The following COL15A1 variants were observed in gnomAD, a reference collection of about 807,000 sequenced individuals.
COL15A1 encodes collagen type XV alpha 1 chain.
In COL15A1, 111 loss-of-function variants were observed where a neutral mutation model predicts 165.9. The observed-to-expected ratio is 0.67, with a 90% CI of 0.57 to 0.78. COL15A1 has a LOEUF of 0.78. COL15A1 is among the 30% of genes least tolerant of loss of function. The probability of loss-of-function intolerance (pLI) is 0.00; values close to 1 mark genes in which losing one functional copy is unlikely to be tolerated. For missense variants in COL15A1, 1,745 were observed against 1,789.7 expected (o/e 0.98, Z 0.45); for synonymous variants, 659 against 674.8 (o/e 0.98, Z 0.36).
At chr9:98,986,324 C>T (rs1838312602) in intron 3 of COL15A1, 3 of 546,452 alleles carry the variant, frequency 5.5e-6, no homozygotes, top group Non-Finnish European at 9.7e-6. Context: ...AGACAGTTAT[C>T]CAGATTCTCT....
chr9:98,957,536 C>T (rs1391414120), intron 2 of COL15A1, among the ~76,000 whole-genome samples: 3 of 152,188 alleles, frequency 2.0e-5, no homozygotes, highest in African/African-American at 7.2e-5. Context: ...TCTGAAGTTC[C>T]ACCAAGTGCT....
At chr9:98,980,196 A>G (rs1233300082) in intron 2 of COL15A1, among the ~76,000 whole-genome samples, 2 of 151,704 alleles carry the variant, frequency 1.3e-5, no homozygotes, top group Non-Finnish European at 2.9e-5. Flanking sequence ...GAATATGTAC[A>G]CATTCATTCA....
At chr9:98,974,154 T>C (rs1838104903) in intron 2 of COL15A1, among the ~76,000 whole-genome samples, 1 of 152,112 alleles carries the variant, frequency 6.6e-6, no homozygotes, top group South Asian at 2.1e-4. Flanking sequence ...GTTGCCTCAG[T>C]TCAACATGAG....
At chr9:99,052,236 A>G (rs1203019857) in intron 30 of COL15A1, 152 bp from the exon 31 acceptor site, 18 of 669,850 alleles carry the variant, frequency 2.7e-5, no homozygotes, top group Non-Finnish European at 1.1e-5. Flanking sequence ...ACTCCTGGGG[A>G]CTCAGGGCTT....
chr9:98,977,159 C>T lies in COL15A1; in HGVS notation c.101-8406C>T, dbSNP rs555546485. 2.0e-5 allele frequency among the ~76,000 whole-genome samples: 3 copies of T among 152,302 alleles called. No homozygotes were observed. In the East Asian group the frequency reaches 5.8e-4, roughly 29 times the overall value. On this transcript the variant is annotated intron_variant, in intron 2 of 41. Coordinates refer to ENST00000375001, the MANE Select transcript of COL15A1 (RefSeq NM_001855.5). Reference sequence around the variant, plus strand: ...GGTATATTATTTTATTTAAGTCACACAACTGTCCTCTGAGAGAAGTATTAT... The same window carrying T: ...GGTATATTATTTTATTTAAGTCACATAACTGTCCTCTGAGAGAAGTATTAT...
intron 35 of COL15A1, among the ~76,000 whole-genome samples, 178 bp downstream of exon 35, chr9:99,056,582 A>G (rs763020925): frequency 1.3e-5 from 2 of 151,992 alleles, no homozygotes; most frequent in African/African-American, 2.4e-5. Flanking sequence ...CACCCACCTA[A>G]AGTGTCTAAT....
chr9:98,980,648 T>G (rs999429474), intron 2 of COL15A1, among the ~76,000 whole-genome samples: 3 of 152,200 alleles, frequency 2.0e-5, no homozygotes, highest in Non-Finnish European at 4.4e-5. Flanking sequence ...AAAATCCTAT[T>G]TCATAGAAGG....
At chr9:98,997,187 C>T (rs1838563823) in intron 6 of COL15A1, 106 bp downstream of exon 6, 12 of 1,380,134 alleles carry the variant, frequency 8.7e-6, no homozygotes, top group Non-Finnish European at 1.2e-5. Flanking sequence ...TAACCTTCCC[C>T]TCAACCCTTT....
intron 26 of COL15A1, among the ~76,000 whole-genome samples, chr9:99,047,186 G>A (rs977529041): frequency 6.6e-6 from 1 of 152,220 alleles, no homozygotes; most frequent in Admixed American, 6.5e-5. Context: ...GGTTGCAACA[G>A]AACAGTGGTT....
At chr9:99,029,049 C>T (rs1839174955) in intron 16 of COL15A1, among the ~76,000 whole-genome samples, 1 of 152,182 alleles carries the variant, frequency 6.6e-6, no homozygotes, top group Admixed American at 6.5e-5. Flanking sequence ...AGAAAGAATG[C>T]AGAAGAACTT....
At chr9:98,948,891 C>T (rs1837632996) in intron 2 of COL15A1, among the ~76,000 whole-genome samples, 1 of 152,200 alleles carries the variant, frequency 6.6e-6, no homozygotes, top group Non-Finnish European at 1.5e-5. Flanking sequence ...CAGAAAAGTG[C>T]ATGCTAAAGG....
At chr9:99,021,355 G>GC (rs113161929) in intron 12 of COL15A1, among the ~76,000 whole-genome samples, 61,360 of 151,664 alleles carry the variant, frequency 0.4, 13,430 homozygotes, top group East Asian at 0.69. Context: ...GACTTCAGAT[G>GC]GAGCAGGGCT....
chr9:98,949,627 A>G (rs996972727), intron 2 of COL15A1, among the ~76,000 whole-genome samples: 2 of 152,154 alleles, frequency 1.3e-5, no homozygotes, highest in Non-Finnish European at 2.9e-5. Context: ...CCTAATTATT[A>G]ATTACCTTTT....
At chr9:99,038,547 G>A (rs1839344870) in intron 21 of COL15A1, 121 bp from the exon 22 acceptor site, 2 of 658,448 alleles carry the variant, frequency 3.0e-6, no homozygotes, top group East Asian at 2.6e-5. Context: ...TGGGCTGAGG[G>A]CGTTCTCAGT....
At chr9:98,989,436 C>A (rs1650164960) in intron 5 of COL15A1, among the ~76,000 whole-genome samples, 178 bp downstream of exon 5, 1 of 152,246 alleles carries the variant, frequency 6.6e-6, no homozygotes, top group Non-Finnish European at 1.5e-5. Context: ...GCAAAATCCC[C>A]TGGTGAACCG....
intron 41 of COL15A1, 124 bp downstream of exon 41, chr9:99,068,794 A>G: frequency 1.7e-6 from 1 of 604,166 alleles, no homozygotes; most frequent in Non-Finnish European, 2.9e-6. Flanking sequence ...CAGTGAGGCA[A>G]CTGAGGGCCT....
intron 2 of COL15A1, among the ~76,000 whole-genome samples, chr9:98,950,670 G>A (rs1837672407): frequency 6.7e-6 from 1 of 149,242 alleles, no homozygotes; most frequent in African/African-American, 2.5e-5. Flanking sequence ...TGGAGTTGGT[G>A]GCCGGCCCAT....
At position 99,003,655 on chromosome 9, in the gene COL15A1, C is replaced by T. The variant is rs1191735116; in HGVS notation, c.1200+68C>T. The T allele has an allele frequency of 2.1e-6, 3 of 1,414,356 alleles. No individual in the cohort carries two copies. In the Admixed American group the frequency reaches 8.3e-5, roughly 39 times the overall value. The allele number at this position is 1,414,356 out of a possible 1,614,324, so 87.6% of individuals were successfully genotyped here. A position where few individuals can be genotyped will look rare whatever the true frequency, so the allele number is the denominator to read the frequency against. ...GGTTGTGGGTTGTGTTGGGTGGGAG[C>T]AGTCACTGGCTTTCCCTATGTGTCT... On this transcript the variant is annotated intron_variant, in intron 8 of 41. Transcript: ENST00000375001.
chr9:98,999,958 C>A (rs1838620163), intron 6 of COL15A1, among the ~76,000 whole-genome samples: 1 of 151,370 alleles, frequency 6.6e-6, no homozygotes. Flanking sequence ...GCAACCTCTG[C>A]CTCCTGGGTT....
Sources: allele counts gnomAD v4.1 joint callset (sites outside exome capture counted in the v4.1 genomes callset), GRCh38; gene constraint gnomAD v4.1.1; transcripts MANE v1.5; gene names NCBI Gene and HGNC (gene_info 2026-07-23, HGNC 2026-07-21).